Variants in ZNF385D observed in about 807,000 individuals in gnomAD.
The protein encoded by ZNF385D is zinc finger protein 659.
ZNF385D carries 15 observed loss-of-function variants against 35.8 expected under a neutral mutation model. That is an observed-to-expected ratio of 0.42 (90% CI 0.28 to 0.64). The LOEUF (loss-of-function observed/expected upper bound fraction) is 0.64. Among genes scored for constraint, ZNF385D ranks in the 30% least tolerant of loss-of-function variants. The pLI is 0.23. For synonymous variants in ZNF385D, 212 were observed against 186.8 expected, an observed-to-expected ratio of 1.13 and a Z score of -1.10; for missense variants, 474 against 494.6, an observed-to-expected ratio of 0.96 and a Z score of 0.39.
chr3:21,805,233 A>T (rs1177411764), intron 3 of ZNF385D, among the ~76,000 whole-genome samples: 1 of 152,226 alleles, frequency 6.6e-6, no homozygotes, highest in Non-Finnish European at 1.5e-5. Context: ...ATCTATTTAA[A>T]TTAGATTAAT....
intron 2 of ZNF385D, among the ~76,000 whole-genome samples, chr3:22,266,783 C>T (rs912818139): frequency 4.6e-5 from 7 of 151,978 alleles, no homozygotes; most frequent in African/African-American, 1.4e-4. Flanking sequence ...TAAGTCTGCT[C>T]AGATATTATC....
intron 2 of ZNF385D, among the ~76,000 whole-genome samples, chr3:21,599,585 G>T (rs1288604539): frequency 6.6e-6 from 1 of 152,144 alleles, no homozygotes; most frequent in Non-Finnish European, 1.5e-5. Flanking sequence ...TATTCTTCCT[G>T]TTTAACAGAT....
intron 3 of ZNF385D, among the ~76,000 whole-genome samples, chr3:21,511,998 C>A (rs926440956): frequency 1.3e-5 from 2 of 151,070 alleles, no homozygotes; most frequent in Non-Finnish European, 3.0e-5. Context: ...AATACAAAAA[C>A]TAGCTGGGTG....
At chr3:22,185,785 A>G (rs1459112870) in intron 2 of ZNF385D, among the ~76,000 whole-genome samples, 2 of 152,158 alleles carry the variant, frequency 1.3e-5, no homozygotes, top group Non-Finnish European at 2.9e-5. Context: ...TTTTAAAAAT[A>G]AAAGATTTCT....
rs538728176 is a variant in ZNF385D, at chr3:22,304,941, T to C, written c.106+67509A>G. ...CTTATTTCTTTTTATGATTAAAGCATTAAGTGCTTAGTACAGTATTATTTC... is the reference window on the plus strand; with the variant it reads ...CTTATTTCTTTTTATGATTAAAGCACTAAGTGCTTAGTACAGTATTATTTC... On this transcript the variant is annotated intron_variant, in intron 2 of 5. Coordinates refer to the ZNF385D transcript ENST00000494108. Among the ~76,000 whole-genome samples the C allele has an allele frequency of 1.0e-3, 157 of 152,286 alleles. 4 individuals carry two copies. In the South Asian group the frequency reaches 0.031, roughly 30 times the overall value.
intron 3 of ZNF385D, among the ~76,000 whole-genome samples, chr3:21,781,343 C>T (rs2125636406): frequency 6.6e-6 from 1 of 152,082 alleles, no homozygotes; most frequent in East Asian, 1.9e-4. Context: ...CATACCCTTC[C>T]ATATCTACAA....
intron 2 of ZNF385D, among the ~76,000 whole-genome samples, chr3:22,219,109 A>G (rs1698081271): frequency 6.6e-6 from 1 of 152,146 alleles, no homozygotes; most frequent in Non-Finnish European, 1.5e-5. Context: ...ACGATCTGTT[A>G]CTTTCTTAGC....
chr3:21,746,301 G>A (rs894520076), intron 1 of ZNF385D, among the ~76,000 whole-genome samples: 3 of 152,280 alleles, frequency 2.0e-5, no homozygotes, highest in Middle Eastern at 3.4e-3. Flanking sequence ...CAACAACTGT[G>A]GAGGTCCTTT....
intron 2 of ZNF385D, among the ~76,000 whole-genome samples, chr3:22,200,810 G>T (rs1424608173): frequency 2.0e-5 from 3 of 152,076 alleles, no homozygotes; most frequent in Non-Finnish European, 2.9e-5. Flanking sequence ...CTGAGAAAAA[G>T]AATTCAGCGA....
chr3:21,816,143 A>C (rs2073139753), intron 3 of ZNF385D, among the ~76,000 whole-genome samples: 1 of 152,216 alleles, frequency 6.6e-6, no homozygotes. Flanking sequence ...TTCATGCTAA[A>C]AACTCTCAAT....
chr3:22,034,206 T>A (rs143210155), intron 3 of ZNF385D, among the ~76,000 whole-genome samples: 90 of 152,268 alleles, frequency 5.9e-4, no homozygotes, highest in Admixed American at 2.0e-3. Context: ...TTAGATGAAG[T>A]CTTCAGGGCG....
chr3:22,298,889 A>G (rs565326232), intron 2 of ZNF385D, among the ~76,000 whole-genome samples: 1 of 152,044 alleles, frequency 6.6e-6, no homozygotes, highest in Admixed American at 6.6e-5. Flanking sequence ...AAATTCATAT[A>G]ATGATGACTG....
chr3:22,008,730 C>T (rs1044939973), intron 3 of ZNF385D, among the ~76,000 whole-genome samples: 37 of 151,844 alleles, frequency 2.4e-4, no homozygotes, highest in Admixed American at 8.5e-4. Flanking sequence ...ACTGAAAAAC[C>T]GTGTGAATAT....
chr3:21,609,501 T>C (rs962745625), intron 2 of ZNF385D, among the ~76,000 whole-genome samples: 1 of 152,090 alleles, frequency 6.6e-6, no homozygotes, highest in Non-Finnish European at 1.5e-5. Context: ...TTGAGGAAAA[T>C]GTTGCCAAAT....
chr3:21,460,498 AAAAT>A (rs139745586), intron 4 of ZNF385D, among the ~76,000 whole-genome samples: 3,092 of 152,290 alleles, frequency 0.02, 102 homozygotes, highest in African/African-American at 0.071. Flanking sequence ...CAATAGGAAC[AAAAT>A]AAATAAAGCA....
At chr3:21,640,737 T>A (rs1162745969) in intron 2 of ZNF385D, among the ~76,000 whole-genome samples, 1 of 152,130 alleles carries the variant, frequency 6.6e-6, no homozygotes, top group East Asian at 1.9e-4. Context: ...CTATGGTATT[T>A]TGTTATAGAA....
chr3:22,155,614 C>T (rs540972776), intron 3 of ZNF385D, among the ~76,000 whole-genome samples: 69 of 152,148 alleles, frequency 4.5e-4, no homozygotes, highest in African/African-American at 1.5e-3. Flanking sequence ...TTAGCTTATT[C>T]TGACACTTTC....
At chr3:21,529,577 A>T (rs180803617) in intron 3 of ZNF385D, among the ~76,000 whole-genome samples, 1 of 152,084 alleles carries the variant, frequency 6.6e-6, no homozygotes, top group Non-Finnish European at 1.5e-5. Flanking sequence ...CGTAAATTTT[A>T]TCTATGGATC....
chr3:21,890,351 G>A (rs1559727432), intron 3 of ZNF385D, among the ~76,000 whole-genome samples: 1 of 152,200 alleles, frequency 6.6e-6, no homozygotes, highest in Non-Finnish European at 1.5e-5. Flanking sequence ...AGGAGCGGTG[G>A]CTCATGCCTG....
Sources: gnomAD v4.1 joint callset for allele counts (sites outside exome capture counted in the v4.1 genomes callset) on GRCh38, gnomAD v4.1.1 for gene constraint, MANE v1.5 for transcripts, NCBI Gene and HGNC (gene_info 2026-07-23, HGNC 2026-07-21) for gene names.